The following PCDH15 variants were observed in gnomAD, a reference collection of about 807,000 sequenced individuals.
PCDH15 encodes the protein protocadherin related 15, also known as protocadherin-15.
In PCDH15, 129 loss-of-function variants were observed where a neutral mutation model predicts 178.5. That is an observed-to-expected ratio of 0.72 (90% confidence interval 0.63 to 0.84). The LOEUF (loss-of-function observed/expected upper bound fraction) is 0.84. PCDH15 is among the 40% of genes least tolerant of loss of function. The pLI, the probability that PCDH15 is intolerant of heterozygous loss-of-function variation, is 0.00. For synonymous variants in PCDH15, 800 were observed against 732.0 expected, an observed-to-expected ratio of 1.09 and a Z score of -1.50; for missense variants, 2,230 against 2,099.9, an observed-to-expected ratio of 1.06 and a Z score of -1.21.
At chr10:55,147,649 TC>T (rs1838562477) in intron 2 of PCDH15, among the ~76,000 whole-genome samples, 1 of 14,718 alleles carries the variant, frequency 6.8e-5, no homozygotes. Flanking sequence ...TCTTTCCTCT[TC>T]CTTTTTTTTT....
chr10:55,033,323 A>G (rs1215709600), intron 2 of PCDH15, among the ~76,000 whole-genome samples: 7 of 152,106 alleles, frequency 4.6e-5, no homozygotes, highest in African/African-American at 9.7e-5. Context: ...CTGAACTCCA[A>G]CCCATGAGAG....
intron 2 of PCDH15, among the ~76,000 whole-genome samples, chr10:55,159,363 ATC>A (rs1159281026): frequency 0.019 from 34 of 1,762 alleles, no homozygotes; most frequent in South Asian, 0.13. Flanking sequence ...CTATCTATCT[ATC>A]TATCTATATA....
At chr10:55,460,813 T>C (rs539356951) in intron 2 of PCDH15, among the ~76,000 whole-genome samples, 217 of 152,202 alleles carry the variant, frequency 1.4e-3, no homozygotes, top group African/African-American at 5.0e-3. Context: ...CAGTGCTGGA[T>C]ATTTTTCTCT....
At chr10:54,516,142 A>G (rs1488755064) in intron 3 of PCDH15, among the ~76,000 whole-genome samples, 3 of 152,204 alleles carry the variant, frequency 2.0e-5, no homozygotes, top group Non-Finnish European at 4.4e-5. Context: ...ACAAAGCTGG[A>G]TGGAGAATGC....
At chr10:55,342,473 T>C (rs1051188926) in intron 2 of PCDH15, among the ~76,000 whole-genome samples, 1 of 152,028 alleles carries the variant, frequency 6.6e-6, no homozygotes, top group African/African-American at 2.4e-5. Context: ...TTATTTATTT[T>C]TTAGTTTTTA....
chr10:55,413,492 T>C (rs1335457718), intron 2 of PCDH15, among the ~76,000 whole-genome samples: 2 of 151,746 alleles, frequency 1.3e-5, no homozygotes, highest in Non-Finnish European at 3.0e-5. Context: ...TTAAAGGGAA[T>C]AGACGAAGTC....
chr10:54,287,731 T>C (rs1335233309), intron 8 of PCDH15, among the ~76,000 whole-genome samples: 1 of 152,220 alleles, frequency 6.6e-6, no homozygotes, highest in African/African-American at 2.4e-5. Context: ...ATTAATATAC[T>C]AATTTCTCTG....
chr10:54,654,402 G>GA (rs1288020030), intron 2 of PCDH15, among the ~76,000 whole-genome samples: 12 of 152,188 alleles, frequency 7.9e-5, no homozygotes, highest in African/African-American at 2.7e-4. Flanking sequence ...AAGACACTCA[G>GA]AAAAGGTCAG....
intron 21 of PCDH15, among the ~76,000 whole-genome samples, chr10:53,962,962 TG>T (rs2088526814): frequency 6.6e-6 from 1 of 152,180 alleles, no homozygotes; most frequent in South Asian, 2.1e-4. Flanking sequence ...AACTAGTATG[TG>T]GTAAAGTTTT....
chr10:53,854,649 T>C (rs1589107943), intron 28 of PCDH15, among the ~76,000 whole-genome samples: 1 of 151,970 alleles, frequency 6.6e-6, no homozygotes, highest in African/African-American at 2.4e-5. Context: ...GCTTAATAAA[T>C]AAAATGTACA....
intron 26 of PCDH15, among the ~76,000 whole-genome samples, chr10:53,885,258 T>G (rs2081008559): frequency 6.6e-6 from 1 of 152,110 alleles, no homozygotes; most frequent in African/African-American, 2.4e-5. Context: ...TCACTGCCTT[T>G]TCCCTTTTTT....
intron 2 of PCDH15, chr10:54,655,839 G>T (rs529356087): frequency 7.9e-5 from 12 of 152,114 alleles, no homozygotes; most frequent in Non-Finnish European, 1.5e-4. Flanking sequence ...ACAACCTAAT[G>T]AAAAGACATA....
chr10:54,518,311 C>T (rs1161432328), intron 3 of PCDH15, among the ~76,000 whole-genome samples: 1 of 152,046 alleles, frequency 6.6e-6, no homozygotes, highest in East Asian at 1.9e-4. Flanking sequence ...TGATAGACCG[C>T]TAGCAAGACT....
intron 1 of PCDH15, among the ~76,000 whole-genome samples, chr10:54,735,074 C>G (rs1202638382): frequency 6.6e-6 from 1 of 151,898 alleles, no homozygotes; most frequent in Admixed American, 6.6e-5. Flanking sequence ...AATCATAATA[C>G]AACTGACTTT....
intron 2 of PCDH15, among the ~76,000 whole-genome samples, chr10:54,979,959 T>C (rs1475015633): frequency 6.6e-6 from 1 of 152,162 alleles, no homozygotes; most frequent in East Asian, 1.9e-4. Flanking sequence ...TGTAGATAAA[T>C]GTGTCTTCAA....
chr10:55,416,786 C>T (rs369695282), intron 2 of PCDH15, among the ~76,000 whole-genome samples: 2 of 151,856 alleles, frequency 1.3e-5, no homozygotes, highest in East Asian at 3.9e-4. Flanking sequence ...TTCTGATATA[C>T]AATTTCATAT....
At chr10:55,003,466 G>A (rs1839843967) in intron 2 of PCDH15, among the ~76,000 whole-genome samples, 1 of 151,484 alleles carries the variant, frequency 6.6e-6, no homozygotes, top group Admixed American at 6.6e-5. Flanking sequence ...TCAGAGTCTA[G>A]AGAATTTTTT....
At chr10:54,706,552 T>C (rs1433168594) in intron 1 of PCDH15, among the ~76,000 whole-genome samples, 2 of 152,190 alleles carry the variant, frequency 1.3e-5, no homozygotes, top group African/African-American at 2.4e-5. Context: ...GTTTTACACC[T>C]ACCATACCTG....
chr10:54,446,497 T>C (rs1273954970), intron 3 of PCDH15, among the ~76,000 whole-genome samples: 3 of 151,622 alleles, frequency 2.0e-5, no homozygotes, highest in Non-Finnish European at 4.4e-5. Context: ...CTTTTTCCTC[T>C]TATTTCTTTA....
Sources: gnomAD v4.1 joint callset for allele counts (sites outside exome capture counted in the v4.1 genomes callset) on GRCh38, gnomAD v4.1.1 for gene constraint, MANE v1.5 for transcripts, NCBI Gene and HGNC (gene_info 2026-07-23, HGNC 2026-07-21) for gene names.